The following FKBP10 variants were observed in gnomAD, a reference collection of about 807,000 sequenced individuals.
The protein encoded by FKBP10 is peptidyl-prolyl cis-trans isomerase FKBP10.
Under a neutral mutation model 53.7 loss-of-function variants are expected in FKBP10, and 34 were observed. The ratio of observed to expected loss-of-function variants is 0.63; its 90% CI spans 0.48 to 0.84. FKBP10 has a LOEUF of 0.84. Among genes scored for constraint, FKBP10 ranks in the 40% least tolerant of loss-of-function variants. The pLI is 0.00. For synonymous variants in FKBP10, 324 were observed against 335.7 expected (o/e 0.97, Z 0.38); for missense variants, 748 against 797.8 (o/e 0.94, Z 0.75).
Position 41,820,539 on chromosome 17 carries a change from G to A in FKBP10, c.1256+78G>A, listed in dbSNP as rs553405048. 4.1e-4 allele frequency: 603 copies of A among 1,455,284 alleles called. 4 individuals carry two copies. In the South Asian group the frequency reaches 6.4e-3, roughly 15 times the overall value. The allele number at this position is 1,455,284 out of a possible 1,614,324, so 90.1% of individuals were successfully genotyped here. On this transcript the variant is annotated intron_variant, in intron 7 of 9. Coordinates refer to ENST00000321562, the MANE Select transcript of FKBP10 (RefSeq NM_021939.4). ...GAGTCCTCCTCAGTGCACCCCCGAC[G>A]CCTGCTCCTCCCTCTTGGTCCTCGA...
At chr17:41,821,140 T>TTGTTG in intron 8 of FKBP10, 51 bp downstream of exon 8, 1 of 801,092 alleles carries the variant, frequency 1.2e-6, no homozygotes, top group East Asian at 3.8e-5. Flanking sequence ...TTTTTTTTTT[T>TTGTTG]GAGATGGAGT....
chr17:41,818,192 C>T lies in FKBP10; in HGVS notation c.495C>T (p.Pro165=), dbSNP rs139989453. ...TVQVSTLLRP[P]HCPRMVQDGD... ...AGGTGAGCACATTGCTGCGCCCGCCCCACTGCCCCCGCATGGTCCAGGACG... is the reference window on the plus strand; with the variant it reads ...AGGTGAGCACATTGCTGCGCCCGCCTCACTGCCCCCGCATGGTCCAGGACG... Residue 165 remains proline, a synonymous_variant, in exon 3 of 10, where the codon CCC becomes CCT. Coordinates refer to ENST00000321562, the MANE Select transcript of FKBP10 (RefSeq NM_021939.4). The T allele has an allele frequency of 6.2e-7, 1 of 1,613,696 alleles. No homozygotes were observed. Among genetic ancestry groups the T allele is most frequent in the Non-Finnish European group, 8.5e-7 (1 of 1,179,994 alleles).
Position 41,822,513 on chromosome 17 carries a change from G to T in FKBP10, c.*105G>T. ...AGTCACCCTCCCTCTGCTGGGATGA[G>T]GTCCAGGAGCCAACTAAAACAATGG... is the stretch of plus-strand genomic sequence containing the variant. On this transcript the variant is annotated 3_prime_UTR_variant, in exon 10 of 10. Transcript: ENST00000321562. The T allele has an allele frequency of 7.5e-7, 1 of 1,331,054 alleles. No individual in the cohort carries two copies. The highest frequency in any genetic ancestry group is 1.0e-6 in the Non-Finnish European group (1 of 956,300). 82.5% of individuals were successfully genotyped at this position (1,331,054 alleles called of 1,614,324 possible).
intron 8 of FKBP10, 22 bp downstream of exon 8, chr17:41,821,111 C>CTTTTTTTT: frequency 3.6e-6 from 2 of 549,136 alleles, no homozygotes; most frequent in Non-Finnish European, 5.2e-6. Context: ...AGACCATAAT[C>CTTTTTTTT]TTTTTTTTTT....
Position 41,822,658 on chromosome 17 carries a change from A to G in FKBP10, c.*250A>G, listed in dbSNP as rs1401179904. On this transcript the variant is annotated 3_prime_UTR_variant, in exon 10 of 10. Coordinates refer to ENST00000321562, the MANE Select transcript of FKBP10 (RefSeq NM_021939.4). The stretch of plus-strand genomic sequence containing the variant: ...TAAAATGTTTGGATTTGCAAAGCCA[A>G]TTTGGGGCCTGTGGAGCCTGGGGTT... 2.4e-5 allele frequency: 13 copies of G among 551,386 alleles called. No homozygotes were observed. Among genetic ancestry groups the G allele is most frequent in the South Asian group, 1.4e-4 (7 of 50,350 alleles). The allele number at this position is 551,386 out of a possible 1,614,324, so 34.2% of individuals were successfully genotyped here.
At chr17:41,818,041 G>T in intron 2 of FKBP10, 48 bp from the exon 3 acceptor site, 1 of 1,545,990 alleles carries the variant, frequency 6.5e-7, no homozygotes, top group Non-Finnish European at 8.8e-7. Context: ...TGGGATCGTG[G>T]TTGGCAGAGC....
Position 41,819,340 on chromosome 17 carries a change from G to T in FKBP10, c.858G>T (p.Gly286=). 6.2e-7 allele frequency: 1 copy of T among 1,614,112 alleles called. No homozygotes were observed. The highest frequency in any genetic ancestry group is 8.5e-7 in the Non-Finnish European group (1 of 1,180,022). Residue 286 remains glycine, a synonymous_variant, in exon 5 of 10, where the codon GGG becomes GGT. Coordinates refer to ENST00000321562, the MANE Select transcript of FKBP10 (RefSeq NM_021939.4). The part of the protein sequence containing the change: ...PPGCVRRAGA[G]DFMRYHYNGS... ...GCTGTGTCCGCAGAGCCGGGGCCGGGGACTTCATGCGCTACCACTACAATG... is the reference window on the plus strand; with the variant it reads ...GCTGTGTCCGCAGAGCCGGGGCCGGTGACTTCATGCGCTACCACTACAATG...
chr17:41,816,073 G>A (rs1336979031), intron 1 of FKBP10, among the ~76,000 whole-genome samples: 1 of 151,532 alleles, frequency 6.6e-6, no homozygotes, highest in Non-Finnish European at 1.5e-5. Context: ...GGGAGGTGGA[G>A]GTTGCAGTGA....
chr17:41,822,265 C>T lies in FKBP10; in HGVS notation c.1606C>T (p.Arg536Cys), dbSNP rs781875214. The T allele has an allele frequency of 1.1e-5, 18 of 1,613,752 alleles. No homozygotes were observed. The highest frequency in any genetic ancestry group is 8.8e-5 in the South Asian group (8 of 91,004). Residue 536 changes from arginine to cysteine, a missense_variant, in exon 10 of 10, where the codon CGC becomes TGC. Coordinates refer to ENST00000321562, the MANE Select transcript of FKBP10 (RefSeq NM_021939.4). ...GGCTCAAGTGAGTGAGGGCAAAGGA[C>T]GCCTCATGCCTGGGCAGGACCCTGA... Reference protein sequence around the residue: ...IKAQVSEGKGRLMPGQDPEKT... With the variant: ...IKAQVSEGKGCLMPGQDPEKT...
intron 9 of FKBP10, 98 bp from the exon 10 acceptor site, chr17:41,822,125 A>T: frequency 8.2e-7 from 1 of 1,221,084 alleles, no homozygotes; most frequent in Non-Finnish European, 1.2e-6. Flanking sequence ...GGGAAAAAAG[A>T]AGAAAAAGAA....
At position 41,813,026 on chromosome 17, in the gene FKBP10, C is replaced by T. The variant is rs2047766376; in HGVS notation, c.-9C>T. 6.2e-7 allele frequency: 1 copy of T among 1,609,524 alleles called. No homozygotes were observed. The highest frequency in any genetic ancestry group is 8.5e-7 in the Non-Finnish European group (1 of 1,179,526). ...GCCCTCACTGCCGGCGGTCCCAACTCCAGGCACCATGTTCCCCGCGGGCCC... is the reference window on the plus strand; with the variant it reads ...GCCCTCACTGCCGGCGGTCCCAACTTCAGGCACCATGTTCCCCGCGGGCCC... On this transcript the variant is annotated 5_prime_UTR_variant, in exon 1 of 10. Transcript: ENST00000321562.
intron 7 of FKBP10, chr17:41,820,692 CT>C: frequency 1.5e-6 from 1 of 665,960 alleles, no homozygotes; most frequent in Non-Finnish European, 2.5e-6. Context: ...GAGAACTGCT[CT>C]TTCTATTTCA....
Position 41,819,649 on chromosome 17 carries a change from A to G in FKBP10, c.1037A>G (p.His346Arg). ...GERRRITIPP[H>R]LAYGENGTGD... The stretch of plus-strand genomic sequence containing the variant: ...CGCCGGAGAATTACCATCCCCCCGC[A>G]CCTCGCCTATGGGGAGAATGGAACT... The change falls in exon 6 of 10, where the codon CAC becomes CGC. Residue 346 changes from histidine (H) to arginine (R), a missense_variant. Coordinates refer to ENST00000321562, the MANE Select transcript of FKBP10 (RefSeq NM_021939.4). 1 of 1,608,258 alleles carries G rather than the reference A, an allele frequency of 6.2e-7. No individual in the cohort carries two copies. Among genetic ancestry groups the G allele is most frequent in the South Asian group, 1.1e-5 (1 of 90,238 alleles).
At chr17:41,819,998 G>A (rs2047869741) in intron 6 of FKBP10, 3 of 1,514,142 alleles carry the variant, frequency 2.0e-6, no homozygotes, top group Non-Finnish European at 2.7e-6. Flanking sequence ...CACCTGTCAA[G>A]TGGGCAAGCC....
At chr17:41,821,983 C>T (rs1057303267) in intron 9 of FKBP10, among the ~76,000 whole-genome samples, 166 bp downstream of exon 9, 1 of 152,128 alleles carries the variant, frequency 6.6e-6, no homozygotes, top group African/African-American at 2.4e-5. Context: ...CCTGGGCACA[C>T]ATGCAGGCTG....
intron 6 of FKBP10, 183 bp from the exon 7 acceptor site, chr17:41,820,086 T>C (rs567657609): frequency 7.2e-6 from 9 of 1,245,688 alleles, no homozygotes; most frequent in Middle Eastern, 1.9e-4. Context: ...GAAAGCTGCC[T>C]TCCCCTGCCC....
At chr17:41,818,341 G>A (rs1555616411) in intron 3 of FKBP10, 41 bp from the exon 4 acceptor site, 1 of 1,614,096 alleles carries the variant, frequency 6.2e-7, no homozygotes, top group Non-Finnish European at 8.5e-7. Context: ...GGGAATCCGG[G>A]GCCCAGCCTG....
chr17:41,817,210 A>C lies in FKBP10; in HGVS notation c.391+7A>C. ...TATGGGAGCATCGGCCTGGGTGAGAAGGGCTGGGGCACAGGCCGGGGGTGG... is the reference window on the plus strand; with the variant it reads ...TATGGGAGCATCGGCCTGGGTGAGACGGGCTGGGGCACAGGCCGGGGGTGG... On this transcript the variant is annotated splice_region_variant and intron_variant, in intron 2 of 9. Coordinates refer to ENST00000321562, the MANE Select transcript of FKBP10 (RefSeq NM_021939.4). The C allele has an allele frequency of 1.9e-6, 3 of 1,612,152 alleles. No homozygotes were observed. The highest frequency in any genetic ancestry group is 2.5e-6 in the Non-Finnish European group (3 of 1,180,024).
At position 41,822,926 on chromosome 17, in the gene FKBP10, C is replaced by T; in HGVS notation, c.*518C>T. On this transcript the variant is annotated 3_prime_UTR_variant, in exon 10 of 10. Transcript: ENST00000321562. Reference sequence around the variant, plus strand: ...CCCTACCTCTCCCATGCCCTTTGCCCTCCTCCCTCGCCTCCAGTGGAGGCT... The same window carrying T: ...CCCTACCTCTCCCATGCCCTTTGCCTTCCTCCCTCGCCTCCAGTGGAGGCT... The T allele has an allele frequency of 5.0e-6, 1 of 200,262 alleles. No homozygotes were observed. The highest frequency in any genetic ancestry group is 1.2e-4 in the East Asian group (1 of 8,240). The allele number at this position is 200,262 out of a possible 1,614,324, so 12.4% of individuals were successfully genotyped here. A position where few individuals can be genotyped will look rare whatever the true frequency, so the allele number is the denominator to read the frequency against.
Sources: gnomAD v4.1 joint callset for allele counts (sites outside exome capture counted in the v4.1 genomes callset) on GRCh38, gnomAD v4.1.1 for gene constraint, MANE v1.5 for transcripts, NCBI Gene and HGNC (gene_info 2026-07-23, HGNC 2026-07-21) for gene names.